Variants in CHAF1B observed in about 807,000 individuals in gnomAD.
CHAF1B encodes the protein CAF-1 subunit B.
Under a neutral mutation model 60.7 loss-of-function variants are expected in CHAF1B, and 10 were observed. The ratio of observed to expected loss-of-function variants is 0.16; its 90% CI spans 0.10 to 0.28. CHAF1B has a LOEUF of 0.28. Among genes scored for constraint, CHAF1B ranks in the 10% least tolerant of loss-of-function variants. CHAF1B has a pLI of 1.00. For missense variants in CHAF1B, 558 were observed against 708.4 expected (o/e 0.79, Z 2.41); for synonymous variants, 261 against 266.1 (o/e 0.98, Z 0.19).
chr21:36,386,654 T>C (rs2086037583), intron 2 of CHAF1B, among the ~76,000 whole-genome samples: 1 of 152,012 alleles, frequency 6.6e-6, no homozygotes, highest in South Asian at 2.1e-4. Flanking sequence ...CTTTGTCATC[T>C]AGCCCAGAAT....
chr21:36,415,057 G>T (rs150601499), intron 12 of CHAF1B, among the ~76,000 whole-genome samples: 1 of 152,166 alleles, frequency 6.6e-6, no homozygotes, highest in Admixed American at 6.6e-5. Context: ...GAAACTTTTC[G>T]ATGACTGGTT....
chr21:36,394,460 T>G (rs892682473), intron 4 of CHAF1B, 87 bp from the exon 5 acceptor site: 1 of 866,632 alleles, frequency 1.2e-6, no homozygotes, highest in African/African-American at 1.7e-5. Flanking sequence ...TCTGTCTACC[T>G]TGGCCTCCCA....
At chr21:36,414,409 T>G (rs557100342) in intron 12 of CHAF1B, among the ~76,000 whole-genome samples, 2 of 152,362 alleles carry the variant, frequency 1.3e-5, no homozygotes, top group East Asian at 3.9e-4. Context: ...TCTTAAAATC[T>G]CTCATTTCTT....
At chr21:36,406,442 T>C (rs560707331) in intron 8 of CHAF1B, among the ~76,000 whole-genome samples, 35 of 152,140 alleles carry the variant, frequency 2.3e-4, no homozygotes, top group Non-Finnish European at 4.4e-4. Context: ...CCGGCCACCA[T>C]GCCCAGCTAA....
chr21:36,395,343 C>T (rs1361018763), intron 5 of CHAF1B, among the ~76,000 whole-genome samples: 3 of 152,208 alleles, frequency 2.0e-5, no homozygotes, highest in Non-Finnish European at 2.9e-5. Context: ...CCACCACACC[C>T]GGCCTACTTG....
chr21:36,396,543 G>T (rs984418759), intron 5 of CHAF1B, among the ~76,000 whole-genome samples: 5 of 151,376 alleles, frequency 3.3e-5, no homozygotes, highest in Admixed American at 3.3e-4. Flanking sequence ...CATGCCTATA[G>T]TCCCAGCTAC....
intron 8 of CHAF1B, among the ~76,000 whole-genome samples, chr21:36,404,928 G>C (rs922349853): frequency 2.0e-5 from 3 of 150,800 alleles, no homozygotes; most frequent in Non-Finnish European, 4.4e-5. Flanking sequence ...ATTTTTAGTA[G>C]AGATGGGGTT....
intron 1 of CHAF1B, 61 bp from the exon 2 acceptor site, chr21:36,385,999 C>T (rs1329723524): frequency 6.1e-6 from 6 of 990,318 alleles, no homozygotes; most frequent in African/African-American, 1.6e-5. Flanking sequence ...GGCTCCTGGC[C>T]CCTATTCAGC....
At chr21:36,394,729 A>C in intron 5 of CHAF1B, 79 bp downstream of exon 5, 1 of 922,672 alleles carries the variant, frequency 1.1e-6, no homozygotes, top group East Asian at 2.8e-5. Context: ...ACTTGCTTTA[A>C]CTTTTTTTTT....
At chr21:36,393,668 A>G (rs1303433558) in intron 4 of CHAF1B, among the ~76,000 whole-genome samples, 1 of 151,860 alleles carries the variant, frequency 6.6e-6, no homozygotes, top group Non-Finnish European at 1.5e-5. Flanking sequence ...TGGTCAGGCT[A>G]GTCTCAAACT....
chr21:36,413,977 C>T (rs546352733), intron 12 of CHAF1B, among the ~76,000 whole-genome samples: 13 of 152,272 alleles, frequency 8.5e-5, no homozygotes, highest in Admixed American at 4.6e-4. Flanking sequence ...GCAGCCTGGT[C>T]GGTGAGAAAC....
rs748618760 is a variant in CHAF1B at position 36,391,545 on chromosome 21, C to T, written c.260-6C>T. ...CGTGGATCACTGTTACTGAATCACCCTGCAGATGCTGTCATCCTATTGTGG... is the reference window on the plus strand; with the variant it reads ...CGTGGATCACTGTTACTGAATCACCTTGCAGATGCTGTCATCCTATTGTGG... On this transcript the variant is annotated splice_polypyrimidine_tract_variant and splice_region_variant and intron_variant, in intron 3 of 13. Transcript: ENST00000314103. 1.9e-5 allele frequency: 30 copies of T among 1,568,600 alleles called. No individual in the cohort carries two copies. The highest frequency in any genetic ancestry group is 2.5e-5 in the Non-Finnish European group (29 of 1,139,358).
At chr21:36,392,179 C>T (rs562600867) in intron 4 of CHAF1B, among the ~76,000 whole-genome samples, 6 of 151,944 alleles carry the variant, frequency 3.9e-5, no homozygotes, top group East Asian at 3.9e-4. Context: ...CATCTTGTAC[C>T]GTCCTTAATC....
At chr21:36,395,866 G>T (rs1454898646) in intron 5 of CHAF1B, among the ~76,000 whole-genome samples, 1 of 152,170 alleles carries the variant, frequency 6.6e-6, no homozygotes, top group African/African-American at 2.4e-5. Flanking sequence ...TACCTGGGTA[G>T]GGCAGTTGTT....
At chr21:36,407,540 C>G (rs2086247671) in intron 8 of CHAF1B, among the ~76,000 whole-genome samples, 1 of 151,850 alleles carries the variant, frequency 6.6e-6, no homozygotes, top group South Asian at 2.1e-4. Context: ...CAAATGGACT[C>G]AATAAAAAAT....
In CHAF1B at chr21:36,415,361, C is replaced by T. The variant is rs1274848744; in HGVS notation, c.1560C>T (p.Ser520=). The part of the protein sequence containing the change: ...PPSSVPTSVI[S]TPSTEEIQSE... Reference sequence around the variant, plus strand: ...GTTCTGTACCAACCAGTGTGATTTCCACCCCTTCTACAGAAGAAATTCAGT... The same window carrying T: ...GTTCTGTACCAACCAGTGTGATTTCTACCCCTTCTACAGAAGAAATTCAGT... Residue 520 remains serine (S), a synonymous_variant, in exon 13 of 14, where the codon TCC becomes TCT. Transcript: ENST00000314103. The T allele has an allele frequency of 6.2e-7, 1 of 1,609,190 alleles. No individual in the cohort carries two copies. The highest frequency in any genetic ancestry group is 1.7e-5 in the Admixed American group (1 of 60,002).
At chr21:36,407,362 AAAAAACC>A (rs1395910380) in intron 8 of CHAF1B, among the ~76,000 whole-genome samples, 3 of 152,128 alleles carry the variant, frequency 2.0e-5, no homozygotes, top group East Asian at 1.9e-4. Flanking sequence ...TTATAGTGGT[AAAAAACC>A]AAAAGCCAAA....
chr21:36,390,439 A>G (rs982331306), intron 3 of CHAF1B, among the ~76,000 whole-genome samples: 1 of 152,076 alleles, frequency 6.6e-6, no homozygotes, highest in African/African-American at 2.4e-5. Context: ...AAGGGAAGCT[A>G]AGGGATGGTC....
At chr21:36,389,819 G>T (rs1401106761) in intron 3 of CHAF1B, among the ~76,000 whole-genome samples, 5 of 148,244 alleles carry the variant, frequency 3.4e-5, no homozygotes, top group African/African-American at 1.3e-4. Context: ...ACGCTGATTT[G>T]TAGAGGGAAA....
Sources: gnomAD v4.1 joint callset for allele counts (sites outside exome capture counted in the v4.1 genomes callset) on GRCh38, gnomAD v4.1.1 for gene constraint, MANE v1.5 for transcripts, NCBI Gene and HGNC (gene_info 2026-07-23, HGNC 2026-07-21) for gene names.